The following FLNC variants were observed in gnomAD, a reference collection of about 807,000 sequenced individuals.
FLNC encodes the protein filamin C.
Under a neutral mutation model 254.3 loss-of-function variants are expected in FLNC, and 91 were observed. That is an observed-to-expected ratio of 0.36 (90% CI 0.30 to 0.43). The LOEUF (loss-of-function observed/expected upper bound fraction) is 0.43. Among genes scored for constraint, FLNC ranks in the 20% least tolerant of loss-of-function variants. FLNC has a pLI of 1.00. For synonymous variants in FLNC, 1,430 were observed against 1,577.2 expected (o/e 0.91, Z 2.21); for missense variants, 2,853 against 3,802.6 (o/e 0.75, Z 6.57).
intron 42 of FLNC, 38 bp from the exon 43 acceptor site, chr7:128,855,161 C>A: frequency 6.8e-7 from 1 of 1,460,900 alleles, no homozygotes; most frequent in Non-Finnish European, 9.6e-7. Flanking sequence ...CTGCCAACCT[C>A]CATCCCGGAA....
rs1341553799 is a variant in FLNC, at chr7:128,858,882, G to T, written c.*359G>T. ...GGGGAGCATTGTGTTGTGGGTGTCT[G>T]TGTGTGAGGTCACCCTCAAACTGCA... On this transcript the variant is annotated 3_prime_UTR_variant, in exon 48 of 48. Coordinates refer to ENST00000325888, the MANE Select transcript of FLNC (RefSeq NM_001458.5). The surrounding 1 kb of genome is among the most constrained non-coding windows in gnomAD (Gnocchi z 6.7). The T allele has an allele frequency of 2.9e-6, 1 of 348,652 alleles. No individual in the cohort carries two copies. Among genetic ancestry groups the T allele is most frequent in the Non-Finnish European group, 5.4e-6 (1 of 183,822 alleles). 21.6% of individuals were successfully genotyped at this position (348,652 alleles called of 1,614,324 possible). A position where few individuals can be genotyped will look rare whatever the true frequency, so the allele number is the denominator to read the frequency against.
At position 128,852,859 on chromosome 7, in the gene FLNC, G is replaced by A. The variant is rs1392711485; in HGVS notation, c.6036G>A (p.Glu2012=). The A allele has an allele frequency of 3.1e-6, 5 of 1,613,770 alleles. No homozygotes were observed. The African/African-American group carries it at 5.3e-5, about 17-fold the overall frequency. ...GISFTPKEVG[E]HVVSVRKSGK... ...CCTTCACCCCCAAGGAGGTCGGGGA[G>A]CACGTGGTGAGCGTGCGCAAGAGTG... The change falls in exon 37 of 48, where the codon GAG becomes GAA. Residue 2012 remains glutamate, a synonymous_variant. Coordinates refer to ENST00000325888, the MANE Select transcript of FLNC (RefSeq NM_001458.5).
intron 24 of FLNC, 118 bp downstream of exon 24, chr7:128,847,023 A>G: frequency 7.4e-7 from 1 of 1,354,460 alleles, no homozygotes; most frequent in Non-Finnish European, 1.0e-6. Flanking sequence ...AGGACAGCCT[A>G]GAGTGGGTTG....
rs373694043 is a variant in FLNC, at chr7:128,844,227, G to A, written c.3153G>A (p.Pro1051=). 149 of 1,611,256 alleles carry A rather than the reference G, an allele frequency of 9.2e-5. No individual in the cohort carries two copies. Among genetic ancestry groups the A allele is most frequent in the African/African-American group, 1.3e-4 (10 of 74,912 alleles). ...TYDGHPVPGS[P]FAVEGVLPPD... ...ATGGTCACCCGGTGCCTGGCAGCCC[G>A]TTTGCTGTGGAGGGTGTCCTGCCCC... is the stretch of plus-strand genomic sequence containing the variant. Residue 1051 remains proline, a synonymous_variant, in exon 20 of 48, where the codon CCG becomes CCA. Transcript: ENST00000325888.
chr7:128,850,257 C>G, intron 31 of FLNC, 127 bp from the exon 32 acceptor site: 1 of 972,228 alleles, frequency 1.0e-6, no homozygotes, highest in Non-Finnish European at 1.7e-6. Context: ...GCTGACGCAC[C>G]TCTCCTGCCA....
At chr7:128,838,504 G>A (rs1327538656) in intron 7 of FLNC, 75 bp downstream of exon 7, 113 of 1,596,812 alleles carry the variant, frequency 7.1e-5, no homozygotes, top group Non-Finnish European at 3.4e-6. Context: ...GGGGAGGCTG[G>A]GACAGGGATG....
chr7:128,831,855 TG>T (rs755816134), intron 1 of FLNC, among the ~76,000 whole-genome samples: 156 of 151,702 alleles, frequency 1.0e-3, no homozygotes, highest in Admixed American at 2.7e-3. Flanking sequence ...ACGCCAAGGG[TG>T]GGCTTGGAGT....
chr7:128,843,547 C>T lies in FLNC; in HGVS notation c.2781C>T (p.Ser927=). Residue 927 remains serine (S), a synonymous_variant, in exon 18 of 48, where the codon TCC becomes TCT. Transcript: ENST00000325888. ...AGATCATAGACAACCATGACTACTC[C>T]TACACTGTCAAGTACACCGCTGTCC... ...DFEIIDNHDY[S]YTVKYTAVQQ... 6.2e-7 allele frequency: 1 copy of T among 1,613,898 alleles called. No homozygotes were observed. Among genetic ancestry groups the T allele is most frequent in the Non-Finnish European group, 8.5e-7 (1 of 1,180,024 alleles).
In FLNC at chr7:128,848,885, C is replaced by T. The variant is rs1431469164; in HGVS notation, c.4830C>T (p.Tyr1610=). 1 of 1,614,050 alleles carries T rather than the reference C, an allele frequency of 6.2e-7. No homozygotes were observed. The highest frequency in any genetic ancestry group is 1.7e-5 in the Admixed American group (1 of 60,024). ...ACCTGCCGGACATGAGTGGCCGGTA[C>T]ACCATCACCATCAAGTATGGCGGTG... ...VSYLPDMSGR[Y]TITIKYGGDE... The change falls in exon 28 of 48, where the codon TAC becomes TAT. Residue 1610 remains tyrosine, a synonymous_variant. Coordinates refer to ENST00000325888, the MANE Select transcript of FLNC (RefSeq NM_001458.5).
At chr7:128,853,083 C>A in intron 37 of FLNC, 52 bp downstream of exon 37, 7 of 1,534,344 alleles carry the variant, frequency 4.6e-6, no homozygotes, top group Non-Finnish European at 5.4e-6. Flanking sequence ...CCCACAGGCA[C>A]TTGTCCTCGT....
intron 37 of FLNC, 182 bp from the exon 38 acceptor site, chr7:128,853,287 T>G: frequency 1.3e-6 from 1 of 768,836 alleles, no homozygotes; most frequent in Non-Finnish European, 2.1e-6. Flanking sequence ...AGGCTTACCT[T>G]AGGGAATTTT....
chr7:128,840,827 T>C lies in FLNC; in HGVS notation c.1677-7T>C. ...CTGGCATGGACACCAGCTCCCTCTC[T>C]GCCCAGCCCCTTTGAGGTACAGGTG... On this transcript the variant is annotated splice_region_variant and splice_polypyrimidine_tract_variant and intron_variant, in intron 10 of 47. Coordinates refer to ENST00000325888, the MANE Select transcript of FLNC (RefSeq NM_001458.5). The C allele has an allele frequency of 6.2e-7, 1 of 1,613,676 alleles. No individual in the cohort carries two copies. The highest frequency in any genetic ancestry group is 8.5e-7 in the Non-Finnish European group (1 of 1,179,876).
Position 128,838,251 on chromosome 7 carries a change from G to T in FLNC, c.1048-16G>T, listed in dbSNP as rs773958966. 6.2e-7 allele frequency: 1 copy of T among 1,613,432 alleles called. No homozygotes were observed. Among genetic ancestry groups the T allele is most frequent in the Non-Finnish European group, 8.5e-7 (1 of 1,179,566 alleles). On this transcript the variant is annotated splice_polypyrimidine_tract_variant and intron_variant, in intron 6 of 47. Transcript: ENST00000325888. The stretch of plus-strand genomic sequence containing the variant: ...TGCTCTCCCCTAGAAGCTAACCTTT[G>T]ACCTCTGACCCCTAGGTGACCGTGC...
At chr7:128,849,104 C>A in intron 28 of FLNC, 77 bp from the exon 29 acceptor site, 1 of 1,538,128 alleles carries the variant, frequency 6.5e-7, no homozygotes, top group East Asian at 2.3e-5. Flanking sequence ...AGCCCTGGCC[C>A]CTCCCTCCCT....
intron 31 of FLNC, 146 bp from the exon 32 acceptor site, chr7:128,850,235 CCTT>C (rs1808750765): frequency 4.3e-6 from 4 of 921,418 alleles, no homozygotes; most frequent in Non-Finnish European, 7.0e-6. Context: ...GCACAGCACT[CCTT>C]CTCTTGCAGC....
chr7:128,835,492 G>T lies in FLNC; in HGVS notation c.519G>T (p.Val173=). The T allele has an allele frequency of 6.2e-7, 1 of 1,613,764 alleles. No homozygotes were observed. Among genetic ancestry groups the T allele is most frequent in the East Asian group, 2.2e-5 (1 of 44,886 alleles). The change falls in exon 2 of 48, where the codon GTG becomes GTT. Residue 173 remains valine, a synonymous_variant. Transcript: ENST00000325888. This position sits in a 1 kb window ranked among gnomAD's most constrained non-coding sequence, Gnocchi z 5.3. ...QRLLGWIQNK[V]PQLPITNFNR... is the part of the protein sequence containing the mutation. Reference sequence around the variant, plus strand: ...TGCTTGGCTGGATCCAGAACAAGGTGCCCCAGCTGCCCATCACCAACTTCA... The same window carrying T: ...TGCTTGGCTGGATCCAGAACAAGGTTCCCCAGCTGCCCATCACCAACTTCA...
Position 128,848,001 on chromosome 7 carries a change from T to C in FLNC, c.4513T>C (p.Tyr1505His), listed in dbSNP as rs761352737. The part of the protein sequence containing the change: ...DNGDGTHTVH[Y>H]TPATDGPYTV... ...TGGAGATGGCACCCACACTGTCCAC[T>C]ACACCCCAGCCACTGACGGGCCCTA... Residue 1505 changes from tyrosine (Y) to histidine (H), a missense_variant, in exon 26 of 48, where the codon TAC becomes CAC. Physicochemically the swap from Tyr to His is moderately conservative, Grantham distance 83. This residue lies in a region of FLNC where 1,573 missense variants were observed against 1,883.5 expected (regional missense o/e 0.84). Transcript: ENST00000325888. 2.5e-6 allele frequency: 4 copies of C among 1,608,838 alleles called. No individual in the cohort carries two copies. The Admixed American group carries it at 6.7e-5, about 27-fold the overall frequency.
At chr7:128,848,400 C>T (rs1324045812) in intron 26 of FLNC, among the ~76,000 whole-genome samples, 161 bp from the exon 27 acceptor site, 1 of 152,126 alleles carries the variant, frequency 6.6e-6, no homozygotes, top group African/African-American at 2.4e-5. Context: ...CACCCCCAGA[C>T]ATGGAATGTC....
Position 128,837,552 on chromosome 7 carries a change from T to A in FLNC, c.850+4T>A. 1 of 1,614,098 alleles carries A rather than the reference T, an allele frequency of 6.2e-7. No individual in the cohort carries two copies. Among genetic ancestry groups the A allele is most frequent in the Non-Finnish European group, 8.5e-7 (1 of 1,180,012 alleles). ...AAAGCCATCGCCTATGGGCCTGGTATGTGTGAGCCCCTGGCGGCCCTCCTG... is the reference window on the plus strand; with the variant it reads ...AAAGCCATCGCCTATGGGCCTGGTAAGTGTGAGCCCCTGGCGGCCCTCCTG... On this transcript the variant is annotated splice_donor_region_variant and intron_variant, in intron 4 of 47. Coordinates refer to ENST00000325888, the MANE Select transcript of FLNC (RefSeq NM_001458.5).
Sources: allele counts gnomAD v4.1 joint callset (sites outside exome capture counted in the v4.1 genomes callset), GRCh38; gene constraint gnomAD v4.1.1; regional missense constraint gnomAD v4.1.1; non-coding constraint Gnocchi (gnomAD v3.1); transcripts MANE v1.5; gene names NCBI Gene and HGNC (gene_info 2026-07-23, HGNC 2026-07-21).